Variants in GTF2H3 observed in about 807,000 individuals in gnomAD.
GTF2H3 encodes the protein TFIIH basal transcription factor complex p34 subunit.
In GTF2H3, 42 loss-of-function variants were observed where a neutral mutation model predicts 51.1. That is an observed-to-expected ratio of 0.82 (90% confidence interval 0.64 to 1.06). The LOEUF (loss-of-function observed/expected upper bound fraction) is 1.06. Among genes scored for constraint, GTF2H3 ranks in the 50% least tolerant of loss-of-function variants. The pLI, the probability that GTF2H3 is intolerant of heterozygous loss-of-function variation, is 0.00. For missense variants in GTF2H3, 326 were observed against 366.1 expected, an observed-to-expected ratio of 0.89 and a Z score of 0.89; for synonymous variants, 123 against 123.8, an observed-to-expected ratio of 0.99 and a Z score of 0.04.
intron 1 of GTF2H3, among the ~76,000 whole-genome samples, chr12:123,637,735 C>T (rs1006344515): frequency 1.3e-5 from 2 of 152,024 alleles, no homozygotes; most frequent in African/African-American, 4.8e-5. Flanking sequence ...AACTCCTGAC[C>T]TCAGTGATCT....
chr12:123,656,048 A>C, intron 9 of GTF2H3: 1 of 396,572 alleles, frequency 2.5e-6, no homozygotes, highest in East Asian at 3.8e-5. Flanking sequence ...AAAGACAAAA[A>C]CTGAATTTTA....
intron 5 of GTF2H3, among the ~76,000 whole-genome samples, chr12:123,651,687 G>A (rs1347336888): frequency 6.6e-6 from 1 of 152,016 alleles, no homozygotes; most frequent in African/African-American, 2.4e-5. Flanking sequence ...GGGCGTGGTG[G>A]CGGACACTTG....
At chr12:123,647,021 C>T (rs1376457742) in intron 3 of GTF2H3, among the ~76,000 whole-genome samples, 4 of 151,492 alleles carry the variant, frequency 2.6e-5, no homozygotes, top group Non-Finnish European at 4.4e-5. Flanking sequence ...GGCATGGTGG[C>T]GGGCACCTGT....
chr12:123,638,633 G>T (rs1021862868), intron 1 of GTF2H3, among the ~76,000 whole-genome samples: 2 of 151,750 alleles, frequency 1.3e-5, no homozygotes, highest in Non-Finnish European at 2.9e-5. Context: ...TATTTATTGA[G>T]CAGCTGCAAT....
intron 2 of GTF2H3, among the ~76,000 whole-genome samples, chr12:123,643,777 G>T (rs976288066): frequency 2.6e-5 from 4 of 151,808 alleles, no homozygotes; most frequent in Non-Finnish European, 4.4e-5. Context: ...GTCACTTTTC[G>T]CCAATTAGAA....
At chr12:123,652,660 A>T in intron 6 of GTF2H3, 47 bp from the exon 7 acceptor site, 1 of 1,538,584 alleles carries the variant, frequency 6.5e-7, no homozygotes, top group African/African-American at 1.4e-5. Flanking sequence ...ACCATATATG[A>T]TTAGTAAGAT....
At chr12:123,644,257 C>G (rs997757378) in intron 2 of GTF2H3, among the ~76,000 whole-genome samples, 3 of 151,874 alleles carry the variant, frequency 2.0e-5, no homozygotes, top group Admixed American at 2.0e-4. Context: ...AGAAGTTTCT[C>G]TGAACATATG....
chr12:123,645,497 A>T lies in GTF2H3; in HGVS notation c.136A>T (p.Asn46Tyr). 6.2e-7 allele frequency: 1 copy of T among 1,610,426 alleles called. No homozygotes were observed. Among genetic ancestry groups the T allele is most frequent in the Non-Finnish European group, 8.5e-7 (1 of 1,176,684 alleles). ...CATAGATGCCGTGATGGTGCTGGGAAATTCGCATTTATTCATGAATCGTTC... is the reference window on the plus strand; with the variant it reads ...CATAGATGCCGTGATGGTGCTGGGATATTCGCATTTATTCATGAATCGTTC... ...KCIDAVMVLG[N>Y]SHLFMNRSNK... is the part of the protein sequence containing the mutation. The change falls in exon 3 of 13, where the codon AAT (asparagine) becomes TAT (tyrosine). Residue 46 changes from asparagine to tyrosine, a missense_variant. Asn to Tyr is a moderately radical substitution (Grantham distance 143). Coordinates refer to ENST00000543341, the MANE Select transcript of GTF2H3 (RefSeq NM_001516.5).
intron 3 of GTF2H3, among the ~76,000 whole-genome samples, chr12:123,646,822 T>A (rs1311873524): frequency 1.3e-5 from 2 of 150,750 alleles, no homozygotes; most frequent in South Asian, 2.1e-4. Context: ...TTTTTTTTTT[T>A]AATCAAAGGT....
At chr12:123,640,694 T>C (rs1475765052) in intron 2 of GTF2H3, among the ~76,000 whole-genome samples, 1 of 152,156 alleles carries the variant, frequency 6.6e-6, no homozygotes, top group Non-Finnish European at 1.5e-5. Context: ...TGGTTTAAAA[T>C]AAAATCAGAA....
chr12:123,645,405 G>C, intron 2 of GTF2H3, 50 bp from the exon 3 acceptor site: 1 of 976,412 alleles, frequency 1.0e-6, no homozygotes, highest in Non-Finnish European at 1.7e-6. Flanking sequence ...ACCTGACATG[G>C]TTATTTGGAT....
At chr12:123,652,596 C>T in intron 6 of GTF2H3, 35 bp downstream of exon 6, 2 of 1,502,322 alleles carry the variant, frequency 1.3e-6, no homozygotes, top group Non-Finnish European at 1.8e-6. Context: ...GAACTGTAAT[C>T]CTACTTATTT....
chr12:123,654,823 A>C, intron 7 of GTF2H3, 101 bp from the exon 8 acceptor site: 1 of 791,310 alleles, frequency 1.3e-6, no homozygotes, highest in South Asian at 1.5e-5. Context: ...TGGGAAGACA[A>C]ACTGGAATAA....
intron 2 of GTF2H3, chr12:123,639,887 A>ATGAG: frequency 3.1e-6 from 1 of 321,422 alleles, no homozygotes; most frequent in Non-Finnish European, 6.2e-6. Context: ...ACTTGTGTGT[A>ATGAG]TGCGTGCGTG....
At chr12:123,651,263 T>C in intron 5 of GTF2H3, 1 of 410,456 alleles carries the variant, frequency 2.4e-6, no homozygotes, top group Non-Finnish European at 4.5e-6. Flanking sequence ...CAAGTTGGAG[T>C]GCAGTGGCAC....
chr12:123,659,730 T>C (rs1252320775), intron 10 of GTF2H3, 65 bp from the exon 11 acceptor site: 12 of 1,544,014 alleles, frequency 7.8e-6, no homozygotes, highest in Non-Finnish European at 1.1e-5. Flanking sequence ...CCTAGAAGGG[T>C]GGGCTTCATG....
At chr12:123,651,557 T>C (rs1348915429) in intron 5 of GTF2H3, among the ~76,000 whole-genome samples, 1 of 151,460 alleles carries the variant, frequency 6.6e-6, no homozygotes, top group Non-Finnish European at 1.5e-5. Flanking sequence ...TGGTGGCTCA[T>C]GCCTGTAATC....
chr12:123,659,620 G>A (rs1177111070), intron 10 of GTF2H3, 36 bp downstream of exon 10: 62 of 1,591,164 alleles, frequency 3.9e-5, no homozygotes, highest in Non-Finnish European at 5.2e-5. Flanking sequence ...GATGCCTGGA[G>A]GGAAGGATGA....
intron 3 of GTF2H3, among the ~76,000 whole-genome samples, chr12:123,645,993 T>C (rs1238302190): frequency 6.6e-6 from 1 of 152,132 alleles, no homozygotes; most frequent in Non-Finnish European, 1.5e-5. Flanking sequence ...GAAATAAGGA[T>C]TTTTCTTATA....
Sources: allele counts gnomAD v4.1 joint callset (sites outside exome capture counted in the v4.1 genomes callset), GRCh38; gene constraint gnomAD v4.1.1; transcripts MANE v1.5; gene names NCBI Gene and HGNC (gene_info 2026-07-23, HGNC 2026-07-21).